Variants in GTPBP6 observed in about 807,000 individuals in gnomAD.
GTPBP6 encodes the protein putative GTP-binding protein 6.
In GTPBP6, 33 loss-of-function variants were observed where a neutral mutation model predicts 28.9. That is an observed-to-expected ratio of 1.14 (90% confidence interval 0.87 to 1.53). GTPBP6 has a LOEUF of 1.53. GTPBP6 is among the 40% of genes most tolerant of loss of function. The pLI is 0.00. For synonymous variants in GTPBP6, 231 were observed against 192.7 expected (o/e 1.20, Z -1.65); for missense variants, 507 against 408.3 (o/e 1.24, Z -2.08).
intron 7 of GTPBP6, among the ~76,000 whole-genome samples, chrX:308,961 G>C (rs1325951370): frequency 6.6e-6 from 1 of 151,978 alleles, no homozygotes; most frequent in African/African-American, 2.4e-5. Flanking sequence ...CTGACCTGAA[G>C]TGATCCACCC....
chrX:314,233 G>A lies in GTPBP6; in HGVS notation c.690-16C>T. On this transcript the variant is annotated splice_polypyrimidine_tract_variant and intron_variant, in intron 4 of 9. Coordinates refer to ENST00000326153, the Ensembl canonical transcript of GTPBP6. ...CAAGTTCGACCTGGTGTGGGAACGG[G>A]AGTGGCTCGGTCTCTGCGGACGCTG... 1.9e-6 allele frequency: 3 copies of A among 1,608,354 alleles called. No individual in the cohort carries two copies. Among genetic ancestry groups the A allele is most frequent in the Non-Finnish European group, 2.6e-6 (3 of 1,174,948 alleles).
intron 9 of GTPBP6, 98 bp from the exon 10 acceptor site, chrX:305,295 CCATT>C: frequency 1.0e-6 from 1 of 963,362 alleles, no homozygotes; most frequent in South Asian, 1.4e-5. Flanking sequence ...TTAGCTCAAA[CCATT>C]CATCAGACCG....
At chrX:306,218 A>G (rs2070159536) in intron 9 of GTPBP6, among the ~76,000 whole-genome samples, 2 of 150,308 alleles carry the variant, frequency 1.3e-5, no homozygotes, top group Admixed American at 1.3e-4. Flanking sequence ...TTTGACTGTC[A>G]AGCGCAGATT....
rs1311907691 is a variant in GTPBP6, at chrX:316,254, GACAC to G, written c.487+656_487+659del. Among the ~76,000 whole-genome samples, 3 of 14,984 alleles carry G rather than the reference GACAC, an allele frequency of 2.0e-4. 1 individual carries two copies. Among genetic ancestry groups the G allele is most frequent in the Non-Finnish European group, 3.4e-4 (2 of 5,944 alleles). The allele number at this position is 14,984 out of a possible 152,430, so 9.8% of individuals were successfully genotyped here. On this transcript the variant is annotated intron_variant, in intron 2 of 9. Coordinates refer to ENST00000326153, the Ensembl canonical transcript of GTPBP6. ...AGGGACACAAACACATACACACGCA[GACAC>G]ACACACAGACACACACACAGTAAAT...
chrX:311,482 G>C lies in GTPBP6; in HGVS notation c.1062C>G (p.Leu354=), dbSNP rs186241036. ...CGATGAGGCCGTGCGGCAGCTGGGA[G>C]AGGAAGCCGATGGTGTCCACGTACA... The change falls in exon 7 of 10, where the codon CTC becomes CTG. Residue 354 remains leucine, a synonymous_variant. Coordinates refer to ENST00000326153, the Ensembl canonical transcript of GTPBP6. 2.2e-3 allele frequency: 3,533 copies of C among 1,604,310 alleles called. 63 individuals carry two copies. The African/African-American group carries it at 0.043, about 19-fold the overall frequency.
chrX:306,187 T>C (rs2070158741), intron 9 of GTPBP6, among the ~76,000 whole-genome samples: 1 of 152,134 alleles, frequency 6.6e-6, no homozygotes, highest in Non-Finnish European at 1.5e-5. Flanking sequence ...GCACCTGTTG[T>C]ATGCAGTCAG....
exon 7 of GTPBP6, chrX:311,446 G>A (rs374533218): frequency 3.2e-5 from 51 of 1,611,254 alleles, no homozygotes; most frequent in African/African-American, 6.7e-5. Context: ...CCAGGGTGGC[G>A]GAGAAGGACT....
intron 6 of GTPBP6, chrX:311,843 C>T (rs1485356031): frequency 2.3e-5 from 14 of 596,256 alleles, no homozygotes; most frequent in South Asian, 7.9e-5. Context: ...GGCCGCCGTG[C>T]GGACACGGGG....
intron 9 of GTPBP6, 68 bp from the exon 10 acceptor site, chrX:305,265 ATAAT>A (rs2070132247): frequency 3.4e-6 from 4 of 1,190,276 alleles, no homozygotes; most frequent in African/African-American, 1.5e-5. Context: ...TTCATGATAA[ATAAT>A]TACGCTAAAA....
At chrX:315,586 A>ACACG (rs2070417066) in intron 2 of GTPBP6, among the ~76,000 whole-genome samples, 2 of 70,666 alleles carry the variant, frequency 2.8e-5, no homozygotes, top group African/African-American at 1.1e-4. Flanking sequence ...ACACACACAC[A>ACACG]GTAAATACAT....
chrX:315,583 C>G (rs2070416695), intron 2 of GTPBP6, among the ~76,000 whole-genome samples: 1 of 90,934 alleles, frequency 1.1e-5, no homozygotes. Flanking sequence ...CACACACACA[C>G]ACAGTAAATA....
intron 4 of GTPBP6, 129 bp from the exon 5 acceptor site, chrX:314,346 C>A: frequency 1.3e-6 from 1 of 775,068 alleles, no homozygotes; most frequent in Non-Finnish European, 2.3e-6. Context: ...GTTGCGGCCC[C>A]GCTCCGCGTG....
chrX:316,766 T>A (rs2070447726), intron 2 of GTPBP6, 148 bp downstream of exon 2: 1 of 397,886 alleles, frequency 2.5e-6, no homozygotes, highest in Non-Finnish European at 4.4e-6. Context: ...TACTGGCGTG[T>A]GCTCCCAGCT....
chrX:304,786 C>T (rs760161228), exon 10 of GTPBP6: 68 of 1,329,804 alleles, frequency 5.1e-5, no homozygotes, highest in African/African-American at 4.3e-4. Flanking sequence ...TGTCCTGTTA[C>T]GGAAACATTC....
At chrX:308,573 A>C (rs970737546) in intron 7 of GTPBP6, among the ~76,000 whole-genome samples, 1 of 152,020 alleles carries the variant, frequency 6.6e-6, no homozygotes, top group African/African-American at 2.4e-5. Context: ...TCAGCTACTC[A>C]GGAGGCTGAG....
intron 5 of GTPBP6, among the ~76,000 whole-genome samples, chrX:313,678 G>A (rs1336319577): frequency 4.6e-5 from 7 of 151,980 alleles, no homozygotes; most frequent in Non-Finnish European, 7.4e-5. Context: ...CAGAAGAGGA[G>A]ACACAGACAC....
At chrX:309,837 C>T (rs1464399792) in intron 7 of GTPBP6, among the ~76,000 whole-genome samples, 1 of 143,488 alleles carries the variant, frequency 7.0e-6, no homozygotes, top group Non-Finnish European at 1.5e-5. Flanking sequence ...TATTTGGAAA[C>T]AGGGTCTCTG....
At chrX:314,756 G>A (rs1372317318) in intron 4 of GTPBP6, 134 bp downstream of exon 4, 158 of 393,728 alleles carry the variant, frequency 4.0e-4, no homozygotes, top group Admixed American at 7.5e-4. Flanking sequence ...GATGACAGGC[G>A]TGAGCCACCG....
chrX:305,219 A>G (rs1379423973), intron 9 of GTPBP6, 22 bp from the exon 10 acceptor site: 9 of 1,579,400 alleles, frequency 5.7e-6, no homozygotes, highest in Non-Finnish European at 7.8e-6. Flanking sequence ...TGCGCGTTGT[A>G]TGGAGACAAG....
Sources: allele counts gnomAD v4.1 joint callset (sites outside exome capture counted in the v4.1 genomes callset), GRCh38; gene constraint gnomAD v4.1.1; transcripts MANE v1.5; gene names NCBI Gene and HGNC (gene_info 2026-07-23, HGNC 2026-07-21).